CNTNAP2: variants seen among roughly 807,000 people sequenced by gnomAD.
The protein encoded by CNTNAP2 is contactin associated protein 2.
CNTNAP2 carries 98 observed loss-of-function variants against 155.2 expected under a neutral mutation model. The observed-to-expected ratio is 0.63, with a 90% CI of 0.54 to 0.75. CNTNAP2 has a LOEUF of 0.75. Ranked by LOEUF, CNTNAP2 falls within the 30% of genes least tolerant of loss-of-function variation. CNTNAP2 has a pLI of 0.00. For synonymous variants in CNTNAP2, 651 were observed against 631.2 expected, an observed-to-expected ratio of 1.03 and a Z score of -0.47; for missense variants, 1,727 against 1,688.1, an observed-to-expected ratio of 1.02 and a Z score of -0.40.
intron 19 of CNTNAP2, among the ~76,000 whole-genome samples, chr7:148,221,031 C>A (rs554307522): frequency 1.3e-5 from 2 of 152,216 alleles, no homozygotes; most frequent in African/African-American, 4.8e-5. Flanking sequence ...CGAGTCACTG[C>A]CACACTAGAT....
chr7:146,163,009 G>A (rs751497464), intron 1 of CNTNAP2, among the ~76,000 whole-genome samples: 2 of 152,104 alleles, frequency 1.3e-5, no homozygotes, highest in Non-Finnish European at 2.9e-5. Context: ...GTCTGTTGGG[G>A]GTTTGGGGGA....
At chr7:147,652,588 T>G (rs371602685) in intron 13 of CNTNAP2, among the ~76,000 whole-genome samples, 32 of 152,228 alleles carry the variant, frequency 2.1e-4, no homozygotes, top group African/African-American at 6.0e-4. Context: ...GAAACATAAC[T>G]TTAGAAGGGT....
chr7:148,174,400 G>A (rs1794894144), intron 18 of CNTNAP2, among the ~76,000 whole-genome samples: 1 of 143,288 alleles, frequency 7.0e-6, no homozygotes, highest in Admixed American at 7.2e-5. Flanking sequence ...CCTGGTGCCT[G>A]CACAGCAGTT....
chr7:147,651,193 C>T (rs1283946756), intron 13 of CNTNAP2, among the ~76,000 whole-genome samples: 3 of 152,160 alleles, frequency 2.0e-5, no homozygotes, highest in Admixed American at 1.3e-4. Context: ...AAGTCGGAAG[C>T]TGGGGCACAC....
chr7:146,252,132 T>C (rs1372075353), intron 1 of CNTNAP2, among the ~76,000 whole-genome samples: 2 of 152,158 alleles, frequency 1.3e-5, no homozygotes, highest in African/African-American at 4.8e-5. Context: ...AATCAAATAA[T>C]CACATTGAAA....
At chr7:146,544,294 C>A (rs1797996451) in intron 1 of CNTNAP2, among the ~76,000 whole-genome samples, 1 of 152,040 alleles carries the variant, frequency 6.6e-6, no homozygotes. Flanking sequence ...AGCCACACTT[C>A]ATTTATCTGT....
intron 12 of CNTNAP2, among the ~76,000 whole-genome samples, chr7:147,581,947 T>C (rs1800509996): frequency 6.6e-6 from 1 of 152,194 alleles, no homozygotes; most frequent in African/African-American, 2.4e-5. Flanking sequence ...TGTGAGATTA[T>C]ATAATTTTTT....
intron 1 of CNTNAP2, among the ~76,000 whole-genome samples, chr7:146,358,678 C>T (rs142333742): frequency 6.6e-6 from 1 of 152,180 alleles, no homozygotes; most frequent in Non-Finnish European, 1.5e-5. Context: ...GAGTGTTAAC[C>T]AGTTTGAAGA....
In CNTNAP2 at chr7:147,044,622, T is replaced by C. The variant is rs947665131; in HGVS notation, c.550+568T>C. The stretch of plus-strand genomic sequence containing the variant: ...GAGGTTATTTTCCCTTAAATATATT[T>C]TAAAGCTCCCTTGTTATTTCTTAAA... On this transcript the variant is annotated intron_variant, in intron 4 of 23. Coordinates refer to ENST00000361727, the MANE Select transcript of CNTNAP2 (RefSeq NM_014141.6). 6.6e-5 allele frequency among the ~76,000 whole-genome samples: 10 copies of C among 152,192 alleles called. No individual in the cohort carries two copies. In the East Asian group the frequency reaches 1.9e-3, roughly 29 times the overall value.
chr7:147,485,618 A>T (rs1282114711), intron 10 of CNTNAP2, among the ~76,000 whole-genome samples: 1 of 152,198 alleles, frequency 6.6e-6, no homozygotes, highest in Non-Finnish European at 1.5e-5. Flanking sequence ...CCAGGAGGGA[A>T]CTTAGCTGCT....
At chr7:146,934,205 T>C (rs1053518155) in intron 3 of CNTNAP2, among the ~76,000 whole-genome samples, 2 of 151,806 alleles carry the variant, frequency 1.3e-5, no homozygotes, top group African/African-American at 4.8e-5. Flanking sequence ...TGTCCAACAA[T>C]GATAGACTGG....
intron 3 of CNTNAP2, among the ~76,000 whole-genome samples, chr7:147,042,641 C>T (rs1468677459): frequency 3.3e-5 from 5 of 151,982 alleles, no homozygotes; most frequent in African/African-American, 1.2e-4. Context: ...AAAGACAAAA[C>T]TCCTGGTTTT....
At chr7:147,362,782 T>C (rs1796166714) in intron 9 of CNTNAP2, among the ~76,000 whole-genome samples, 2 of 152,132 alleles carry the variant, frequency 1.3e-5, no homozygotes, top group Non-Finnish European at 2.9e-5. Context: ...TTTGGAAACA[T>C]GGCATTGGAG....
intron 15 of CNTNAP2, among the ~76,000 whole-genome samples, chr7:148,054,221 C>G (rs1802964697): frequency 6.6e-6 from 1 of 152,150 alleles, no homozygotes; most frequent in Non-Finnish European, 1.5e-5. Context: ...ATCCACCCGC[C>G]TCGGCCTCCC....
At chr7:146,401,841 A>G (rs1018967552) in intron 1 of CNTNAP2, among the ~76,000 whole-genome samples, 11 of 152,130 alleles carry the variant, frequency 7.2e-5, no homozygotes, top group Non-Finnish European at 1.0e-4. Flanking sequence ...CTACAACAAA[A>G]CTTTATTTTA....
chr7:146,166,432 C>A (rs1346817499), intron 1 of CNTNAP2, among the ~76,000 whole-genome samples: 1 of 152,044 alleles, frequency 6.6e-6, no homozygotes, highest in Non-Finnish European at 1.5e-5. Flanking sequence ...GCTAAGCATC[C>A]AATGGACTGT....
chr7:147,512,146 A>G (rs1799034193), intron 11 of CNTNAP2, among the ~76,000 whole-genome samples: 5 of 152,068 alleles, frequency 3.3e-5, no homozygotes, highest in African/African-American at 2.4e-5. Flanking sequence ...TTTATATCCT[A>G]AAATAGGGAG....
At chr7:146,559,151 TAA>T (rs1798243398) in intron 1 of CNTNAP2, among the ~76,000 whole-genome samples, 1 of 152,150 alleles carries the variant, frequency 6.6e-6, no homozygotes, top group Non-Finnish European at 1.5e-5. Context: ...TCAAAATAAC[TAA>T]GAGAGTAGGT....
chr7:146,541,146 A>C (rs2129141049), intron 1 of CNTNAP2, among the ~76,000 whole-genome samples: 1 of 152,114 alleles, frequency 6.6e-6, no homozygotes, highest in Admixed American at 6.6e-5. Flanking sequence ...CTTGTACTTC[A>C]GAGCTAAGGA....
Sources: allele counts gnomAD v4.1 joint callset (sites outside exome capture counted in the v4.1 genomes callset), GRCh38; gene constraint gnomAD v4.1.1; transcripts MANE v1.5; gene names NCBI Gene and HGNC (gene_info 2026-07-23, HGNC 2026-07-21).